The following DIAPH2 variants were observed in gnomAD, a reference collection of about 807,000 sequenced individuals.
DIAPH2 encodes the protein diaphanous related formin 2.
In DIAPH2, 35 loss-of-function variants were observed where a neutral mutation model predicts 92.7. That is an observed-to-expected ratio of 0.38 (90% CI 0.29 to 0.50). The LOEUF (loss-of-function observed/expected upper bound fraction) is 0.50, where lower values mean the gene tolerates loss of function less well. Ranked by LOEUF, DIAPH2 falls within the 20% of genes least tolerant of loss-of-function variation. The probability of loss-of-function intolerance (pLI) is 0.94; values close to 1 mark genes in which losing one functional copy is unlikely to be tolerated. For missense variants in DIAPH2, 701 were observed against 819.5 expected, an observed-to-expected ratio of 0.86 and a Z score of 1.77; for synonymous variants, 301 against 280.4, an observed-to-expected ratio of 1.07 and a Z score of -0.73.
intron 23 of DIAPH2, among the ~76,000 whole-genome samples, chrX:97,265,382 C>T (rs1222450563): frequency 1.8e-5 from 2 of 111,654 alleles, no homozygotes; most frequent in Non-Finnish European, 3.8e-5. Flanking sequence ...AGTAATGAAA[C>T]GGATGAGGTG....
intron 1 of DIAPH2, among the ~76,000 whole-genome samples, chrX:96,706,983 A>C (rs188394077): frequency 1.8e-5 from 2 of 110,742 alleles, no homozygotes; most frequent in East Asian, 5.8e-4. Flanking sequence ...TTCTTATCCA[A>C]ATTGTCAAAG....
At chrX:96,722,656 C>G (rs2063996200) in intron 1 of DIAPH2, among the ~76,000 whole-genome samples, 1 of 111,796 alleles carries the variant, frequency 8.9e-6, no homozygotes, top group Non-Finnish European at 1.9e-5. Flanking sequence ...ATCTTTAACC[C>G]ATTTATGTAA....
intron 23 of DIAPH2, among the ~76,000 whole-genome samples, chrX:97,262,244 G>T (rs1381216516): frequency 9.0e-6 from 1 of 111,663 alleles, no homozygotes; most frequent in African/African-American, 3.3e-5. Context: ...ATTAAAGAAT[G>T]ATAGAGACAC....
intron 20 of DIAPH2, among the ~76,000 whole-genome samples, chrX:97,112,075 A>T (rs1042642136): frequency 8.9e-6 from 1 of 112,302 alleles, no homozygotes; most frequent in African/African-American, 3.2e-5. Context: ...TTTTATAAAA[A>T]TATCAAATCC....
intron 5 of DIAPH2, among the ~76,000 whole-genome samples, chrX:96,886,941 T>G (rs2065266922): frequency 9.1e-6 from 1 of 109,800 alleles, no homozygotes; most frequent in Non-Finnish European, 1.9e-5. Flanking sequence ...GCCAAACTGC[T>G]TTTGTCCCTG....
At chrX:96,990,610 C>T (rs901206323) in intron 17 of DIAPH2, among the ~76,000 whole-genome samples, 4 of 110,594 alleles carry the variant, frequency 3.6e-5, no homozygotes, top group African/African-American at 1.3e-4. Flanking sequence ...GTAATAGTTA[C>T]GCATATTTTG....
chrX:97,047,804 T>G (rs1277400319), intron 17 of DIAPH2, among the ~76,000 whole-genome samples: 2 of 109,538 alleles, frequency 1.8e-5, no homozygotes, highest in East Asian at 5.7e-4. Flanking sequence ...AAAAAGAAAT[T>G]TGAAATATTT....
At chrX:97,512,042 T>G (rs2070898471) in intron 26 of DIAPH2, among the ~76,000 whole-genome samples, 1 of 112,139 alleles carries the variant, frequency 8.9e-6, no homozygotes, top group Non-Finnish European at 1.9e-5. Context: ...TTAGGGAGGA[T>G]TCCCTCTTTT....
At chrX:97,040,800 T>C (rs1016979656) in intron 17 of DIAPH2, among the ~76,000 whole-genome samples, 12 of 110,750 alleles carry the variant, frequency 1.1e-4, no homozygotes, top group African/African-American at 3.6e-4. Flanking sequence ...GTGCTATTCA[T>C]TTTTTAAATA....
intron 26 of DIAPH2, among the ~76,000 whole-genome samples, chrX:97,436,449 C>A (rs1370556764): frequency 4.5e-5 from 5 of 111,920 alleles, no homozygotes; most frequent in Non-Finnish European, 7.5e-5. Flanking sequence ...TCAGGAGACA[C>A]ATGATCCTAG....
chrX:97,475,725 A>G (rs1202772217), intron 26 of DIAPH2, among the ~76,000 whole-genome samples: 1 of 112,230 alleles, frequency 8.9e-6, no homozygotes, highest in Non-Finnish European at 1.9e-5. Flanking sequence ...TTGCCAAGAA[A>G]ATAGCTTGTT....
chrX:97,551,741 A>G (rs1244968172), intron 26 of DIAPH2, among the ~76,000 whole-genome samples: 1 of 111,328 alleles, frequency 9.0e-6, no homozygotes, highest in Non-Finnish European at 1.9e-5. Context: ...ATCTAGGTAG[A>G]TATCTCACTC....
intron 19 of DIAPH2, among the ~76,000 whole-genome samples, chrX:97,080,478 C>G (rs1488644388): frequency 1.8e-4 from 19 of 103,450 alleles, no homozygotes; most frequent in African/African-American, 3.9e-4. Flanking sequence ...CCCCCTCCCC[C>G]GCCCCACCAA....
At chrX:97,382,952 A>G (rs1471276126) in intron 24 of DIAPH2, among the ~76,000 whole-genome samples, 1 of 112,157 alleles carries the variant, frequency 8.9e-6, no homozygotes, top group Non-Finnish European at 1.9e-5. Flanking sequence ...CATGCTATGA[A>G]GTATATTTAA....
chrX:97,175,265 G>T (rs2067483243), intron 22 of DIAPH2, among the ~76,000 whole-genome samples: 1 of 111,207 alleles, frequency 9.0e-6, no homozygotes, highest in East Asian at 2.8e-4. Flanking sequence ...ACATTTTCTC[G>T]AACACTAAAT....
chrX:97,312,614 G>T (rs1235234370), intron 23 of DIAPH2, among the ~76,000 whole-genome samples: 1 of 111,150 alleles, frequency 9.0e-6, no homozygotes, highest in Non-Finnish European at 1.9e-5. Flanking sequence ...CCTCCAAAGT[G>T]CTGGGATTAC....
chrX:97,391,910 C>G (rs1278885356), intron 25 of DIAPH2, among the ~76,000 whole-genome samples: 1 of 111,390 alleles, frequency 9.0e-6, no homozygotes, highest in Non-Finnish European at 1.9e-5. Flanking sequence ...AGAATTATAT[C>G]TTTCAAGTTA....
intron 24 of DIAPH2, among the ~76,000 whole-genome samples, chrX:97,364,763 T>TTTTTTGTTTTG (rs1158881944): frequency 2.7e-4 from 28 of 104,727 alleles, no homozygotes; most frequent in African/African-American, 9.9e-4. Context: ...CCTGGTGTTT[T>TTTTTTGTTTTG]TTTTTTTTTT....
At chrX:96,756,583 A>G (rs1721140257) in intron 3 of DIAPH2, among the ~76,000 whole-genome samples, 1 of 111,737 alleles carries the variant, frequency 8.9e-6, no homozygotes, top group South Asian at 3.7e-4. Context: ...TAATGCTGCT[A>G]TGAACATTCG....
Sources: allele counts gnomAD v4.1 joint callset (sites outside exome capture counted in the v4.1 genomes callset), GRCh38; gene constraint gnomAD v4.1.1; transcripts MANE v1.5; gene names NCBI Gene and HGNC (gene_info 2026-07-23, HGNC 2026-07-21).